Variants in CDC42EP5 observed in about 807,000 individuals in gnomAD.
CDC42EP5 encodes the protein CDC42 effector protein 5.
For missense variants in CDC42EP5, 269 were observed against 238.0 expected (o/e 1.13, Z -0.86); for synonymous variants, 118 against 123.3 (o/e 0.96, Z 0.28).
rs752035741 is a variant in CDC42EP5 at position 54,465,072 on chromosome 19, G to C, written c.*29C>G. 74 of 1,303,754 alleles carry C rather than the reference G, an allele frequency of 5.7e-5. No homozygotes were observed. The East Asian group carries it at 1.3e-3, about 23-fold the overall frequency. 80.8% of individuals were successfully genotyped at this position (1,303,754 alleles called of 1,614,324 possible). On this transcript the variant is annotated 3_prime_UTR_variant, in exon 3 of 3. Transcript: ENST00000301200. Reference sequence around the variant, plus strand: ...TTATGTATACAGAAGTGGGGTGCCGGGCGGGAAGGGCGCGGGGAATGAGGG... The same window carrying C: ...TTATGTATACAGAAGTGGGGTGCCGCGCGGGAAGGGCGCGGGGAATGAGGG...
intron 2 of CDC42EP5, among the ~76,000 whole-genome samples, chr19:54,470,552 AAAAGAAGG>A (rs1457353107): frequency 1.3e-5 from 2 of 151,862 alleles, no homozygotes; most frequent in Non-Finnish European, 2.9e-5. Context: ...AAGAAAGAAA[AAAAGAAGG>A]AAAGAAAGAA....
chr19:54,465,880 C>T (rs945479263), intron 2 of CDC42EP5, among the ~76,000 whole-genome samples: 6 of 152,004 alleles, frequency 3.9e-5, no homozygotes, highest in Non-Finnish European at 1.5e-5. Context: ...GGTGATCAAC[C>T]CGCCTCAGTC....
intron 2 of CDC42EP5, among the ~76,000 whole-genome samples, chr19:54,471,205 C>T (rs1407325968): frequency 1.3e-5 from 2 of 152,146 alleles, no homozygotes; most frequent in African/African-American, 4.8e-5. Flanking sequence ...GCCCGGGCCG[C>T]GCGTTCTCCC....
chr19:54,470,993 G>A (rs1398781213), intron 2 of CDC42EP5, among the ~76,000 whole-genome samples: 1 of 152,130 alleles, frequency 6.6e-6, no homozygotes, highest in African/African-American at 2.4e-5. Flanking sequence ...TGAGACCCTG[G>A]GTAAGTCGCT....
At position 54,465,194 on chromosome 19, in the gene CDC42EP5, C is replaced by G; in HGVS notation, c.354G>C (p.Lys118Asn). Residue 118 changes from lysine to asparagine, a missense_variant, in exon 3 of 3, where the codon AAG becomes AAC. Physicochemically the swap from Lys to Asn is moderately conservative, Grantham distance 94. Transcript: ENST00000301200. ...DAARPEAAAA[K>N]PDAEPRPGTQ... ...TCCCGGGGCGGGGTTCCGCGTCGGGCTTGGCGGCAGCCGCCTCCGGGCGCG... is the reference window on the plus strand; with the variant it reads ...TCCCGGGGCGGGGTTCCGCGTCGGGGTTGGCGGCAGCCGCCTCCGGGCGCG... The G allele has an allele frequency of 1.7e-5, 24 of 1,438,238 alleles. No homozygotes were observed. The highest frequency in any genetic ancestry group is 1.9e-5 in the Non-Finnish European group (21 of 1,100,406). The allele number at this position is 1,438,238 out of a possible 1,614,324, so 89.1% of individuals were successfully genotyped here.
At chr19:54,468,999 CTTTCT>C (rs1051166292) in intron 2 of CDC42EP5, among the ~76,000 whole-genome samples, 4 of 147,470 alleles carry the variant, frequency 2.7e-5, no homozygotes, top group Non-Finnish European at 6.0e-5. Context: ...TTCCTTCTTT[CTTTCT>C]TTTCTTTTTT....
chr19:54,466,931 A>ATAT (rs2084762320), intron 2 of CDC42EP5, among the ~76,000 whole-genome samples: 1 of 94,888 alleles, frequency 1.1e-5, no homozygotes, highest in Non-Finnish European at 2.4e-5. Flanking sequence ...ACTGTACCTG[A>ATAT]TCTTTTTTTT....
At chr19:54,469,197 T>C (rs2084802783) in intron 2 of CDC42EP5, among the ~76,000 whole-genome samples, 1 of 151,996 alleles carries the variant, frequency 6.6e-6, no homozygotes, top group Non-Finnish European at 1.5e-5. Flanking sequence ...GGTTTCACCA[T>C]GTTGGCCAGG....
intron 2 of CDC42EP5, among the ~76,000 whole-genome samples, chr19:54,470,077 C>A (rs1308130602): frequency 6.6e-6 from 1 of 152,160 alleles, no homozygotes; most frequent in Non-Finnish European, 1.5e-5. Flanking sequence ...GGTTGGAACT[C>A]TTGTTTGTGG....
intron 1 of CDC42EP5, among the ~76,000 whole-genome samples, chr19:54,472,551 G>T (rs1372432772): frequency 1.5e-4 from 2 of 13,668 alleles, no homozygotes; most frequent in Non-Finnish European, 2.4e-4. Context: ...GATCCCCCCA[G>T]CCCCTCCTCC....
intron 2 of CDC42EP5, among the ~76,000 whole-genome samples, chr19:54,468,923 C>CCTTCCTTCCTTCCTTCCTTCCT (rs1556000120): frequency 6.8e-6 from 1 of 146,098 alleles, no homozygotes; most frequent in East Asian, 2.0e-4. Flanking sequence ...TTCCTTCCTT[C>CCTTCCTTCCTTCCTTCCTTCCT]TTTCTTTCTT....
Position 54,465,145 on chromosome 19 carries a change from G to A in CDC42EP5, c.403C>T (p.Arg135Cys), listed in dbSNP as rs868002083. ...PGTQPPQARC[R>C]PNADLELNDV... is the part of the protein sequence containing the mutation. The stretch of plus-strand genomic sequence containing the variant: ...TTCAGCTCGAGGTCCGCGTTGGGGC[G>A]GCAGCGGGCCTGGGGGGGCTGCGTC... Residue 135 changes from arginine to cysteine, a missense_variant, in exon 3 of 3, where the codon CGC becomes TGC. Coordinates refer to ENST00000301200, the MANE Select transcript of CDC42EP5 (RefSeq NM_145057.4). 3 of 1,398,706 alleles carry A rather than the reference G, an allele frequency of 2.1e-6. No homozygotes were observed. The highest frequency in any genetic ancestry group is 2.8e-6 in the Non-Finnish European group (3 of 1,084,036). 86.6% of individuals were successfully genotyped at this position (1,398,706 alleles called of 1,614,324 possible).
chr19:54,471,451 G>C (rs1216363061), intron 2 of CDC42EP5, 94 bp downstream of exon 2: 1 of 151,992 alleles, frequency 6.6e-6, no homozygotes, highest in East Asian at 1.9e-4. Flanking sequence ...GCTTCACTGC[G>C]CGCTTCCTGC....
chr19:54,467,562 C>G (rs866855242), intron 2 of CDC42EP5, among the ~76,000 whole-genome samples: 54 of 131,920 alleles, frequency 4.1e-4, no homozygotes, highest in Middle Eastern at 7.8e-3. Context: ...ATAGCTGCAC[C>G]AAATTCTTTT....
Position 54,465,483 on chromosome 19 carries a change from G to A in CDC42EP5, c.65C>T (p.Ser22Phe), listed in dbSNP as rs1260952934. 6.5e-7 allele frequency: 1 copy of A among 1,534,608 alleles called. No homozygotes were observed. Among genetic ancestry groups the A allele is most frequent in the Non-Finnish European group, 8.7e-7 (1 of 1,153,134 alleles). The change falls in exon 3 of 3, where the codon TCC becomes TTC. Residue 22 changes from serine (S) to phenylalanine (F), a missense_variant. Physicochemically the swap from Ser to Phe is radical, Grantham distance 155. Transcript: ENST00000301200. ...GAAGTCGCCGAGCGGCGCGGAGATG[G>A]ACAGGGCGCCGCGATCAGGCCGCTT... ...PKKRPDRGAL[S>F]ISAPLGDFRH...
At chr19:54,468,976 T>C (rs1244865165) in intron 2 of CDC42EP5, among the ~76,000 whole-genome samples, 1 of 140,074 alleles carries the variant, frequency 7.1e-6, no homozygotes, top group Non-Finnish European at 1.6e-5. Context: ...TTCTTTTCTT[T>C]CTTTCTCCTT....
At chr19:54,469,903 C>T (rs1019460083) in intron 2 of CDC42EP5, among the ~76,000 whole-genome samples, 5 of 151,982 alleles carry the variant, frequency 3.3e-5, no homozygotes, top group African/African-American at 1.2e-4. Flanking sequence ...ATCCCCCTTC[C>T]ATTGCCCTAT....
intron 2 of CDC42EP5, among the ~76,000 whole-genome samples, chr19:54,470,776 G>T (rs7259673): frequency 0.35 from 52,525 of 151,964 alleles, 10,109 homozygotes; most frequent in East Asian, 0.66. Flanking sequence ...AATGCTGCGC[G>T]CCAGATCTGG....
rs1208293929 is a variant in CDC42EP5 at position 54,465,187 on chromosome 19, C to T, written c.361G>A (p.Ala121Thr). The T allele has an allele frequency of 2.1e-6, 3 of 1,430,340 alleles. 1 individual carries two copies. Among genetic ancestry groups the T allele is most frequent in the African/African-American group, 1.5e-5 (1 of 67,002 alleles). 88.6% of individuals were successfully genotyped at this position (1,430,340 alleles called of 1,614,324 possible). ...GGCTGCGTCCCGGGGCGGGGTTCCG[C>T]GTCGGGCTTGGCGGCAGCCGCCTCC... ...RPEAAAAKPD[A>T]EPRPGTQPPQ... Residue 121 changes from alanine to threonine, a missense_variant, in exon 3 of 3, where the codon GCG becomes ACG. Physicochemically the swap from Ala to Thr is moderately conservative, Grantham distance 58 (BLOSUM62 0). Transcript: ENST00000301200.
Sources: gnomAD v4.1 joint callset for allele counts (sites outside exome capture counted in the v4.1 genomes callset) on GRCh38, gnomAD v4.1.1 for gene constraint, MANE v1.5 for transcripts, NCBI Gene and HGNC (gene_info 2026-07-23, HGNC 2026-07-21) for gene names.